The following PEBP4 variants were observed in gnomAD, a reference collection of about 807,000 sequenced individuals.
The protein encoded by PEBP4 is phosphatidylethanolamine-binding protein 4.
In PEBP4, 22 loss-of-function variants were observed where a neutral mutation model predicts 23.9. The observed-to-expected ratio is 0.92, with a 90% CI of 0.66 to 1.31. The LOEUF is 1.31. Among genes scored for constraint, PEBP4 ranks in the 40% most tolerant of loss-of-function variants. The pLI is 0.00. For missense variants in PEBP4, 324 were observed against 281.7 expected, an observed-to-expected ratio of 1.15 and a Z score of -1.07; for synonymous variants, 112 against 99.3, an observed-to-expected ratio of 1.13 and a Z score of -0.76.
chr8:22,747,862 A>C (rs1402894920), intron 4 of PEBP4, among the ~76,000 whole-genome samples: 1 of 152,110 alleles, frequency 6.6e-6, no homozygotes, highest in Non-Finnish European at 1.5e-5. Flanking sequence ...TTTCTCAGGG[A>C]ATGTGTGAGT....
intron 4 of PEBP4, among the ~76,000 whole-genome samples, chr8:22,787,905 C>T (rs565004458): frequency 1.3e-5 from 2 of 151,972 alleles, no homozygotes; most frequent in African/African-American, 4.8e-5. Context: ...ATGAAGGGGT[C>T]GAGGTGAGGG....
At chr8:22,719,819 G>C (rs191714624) in intron 6 of PEBP4, among the ~76,000 whole-genome samples, 1 of 152,162 alleles carries the variant, frequency 6.6e-6, no homozygotes, top group Non-Finnish European at 1.5e-5. Context: ...CTGGTGGAGA[G>C]GCTGGTGGAG....
At position 22,791,291 on chromosome 8, in the gene PEBP4, GTCT is replaced by G. The variant is rs556779134; in HGVS notation, c.357+26343_357+26345del. Among the ~76,000 whole-genome samples the G allele has an allele frequency of 2.9e-4, 44 of 152,296 alleles. 1 individual carries two copies. The South Asian group carries it at 9.1e-3, about 32-fold the overall frequency. On this transcript the variant is annotated intron_variant, in intron 4 of 6. Coordinates refer to ENST00000256404, the MANE Select transcript of PEBP4 (RefSeq NM_144962.3). ...TTCTCATCTTGTCTCCGGTCCTGCA[GTCT>G]TCTTTCCTCACCCGCAAATGGTAGA...
chr8:22,787,410 C>T (rs921665166), intron 4 of PEBP4, among the ~76,000 whole-genome samples: 1 of 151,932 alleles, frequency 6.6e-6, no homozygotes, highest in Non-Finnish European at 1.5e-5. Context: ...GCCTTGAGAA[C>T]GTTCCTTCCA....
At chr8:22,935,190 T>C (rs1226815859) in intron 1 of PEBP4, among the ~76,000 whole-genome samples, 1 of 152,230 alleles carries the variant, frequency 6.6e-6, no homozygotes, top group Non-Finnish European at 1.5e-5. Context: ...CCACTTTTAA[T>C]AGTGAATAGA....
At chr8:22,879,574 C>G (rs1332272868) in intron 3 of PEBP4, among the ~76,000 whole-genome samples, 1 of 152,210 alleles carries the variant, frequency 6.6e-6, no homozygotes, top group Non-Finnish European at 1.5e-5. Context: ...AGATCACAGG[C>G]TCATTCCCAT....
At chr8:22,867,361 C>T (rs1374810140) in intron 3 of PEBP4, among the ~76,000 whole-genome samples, 1 of 152,170 alleles carries the variant, frequency 6.6e-6, no homozygotes, top group African/African-American at 2.4e-5. Context: ...CTTCATAACT[C>T]AGGTTTACTC....
intron 4 of PEBP4, among the ~76,000 whole-genome samples, chr8:22,785,131 G>A (rs527788893): frequency 6.6e-6 from 1 of 152,156 alleles, no homozygotes; most frequent in Non-Finnish European, 1.5e-5. Context: ...GGGACGACAG[G>A]GCAGCTCAGC....
At chr8:22,783,981 C>T (rs1020581179) in intron 4 of PEBP4, among the ~76,000 whole-genome samples, 2 of 152,184 alleles carry the variant, frequency 1.3e-5, no homozygotes, top group African/African-American at 4.8e-5. Flanking sequence ...GAAGAGATCA[C>T]TGGCTTTGGA....
intron 4 of PEBP4, among the ~76,000 whole-genome samples, chr8:22,798,793 A>G (rs544988663): frequency 2.3e-4 from 29 of 123,884 alleles, no homozygotes; most frequent in African/African-American, 8.1e-4. Flanking sequence ...GCTGGAGTGC[A>G]GTGGCGTGAT....
intron 3 of PEBP4, among the ~76,000 whole-genome samples, chr8:22,850,845 T>C (rs577387345): frequency 1.4e-4 from 22 of 152,276 alleles, no homozygotes; most frequent in Middle Eastern, 3.4e-3. Context: ...GGGCCTCTCA[T>C]TGCAATGTGA....
chr8:22,817,645 C>A lies in PEBP4; in HGVS notation c.349G>T (p.Asp117Tyr). The A allele has an allele frequency of 6.2e-7, 1 of 1,614,028 alleles. No individual in the cohort carries two copies. The highest frequency in any genetic ancestry group is 8.5e-7 in the Non-Finnish European group (1 of 1,179,886). ...CCTCTTGGCCTGCTTACCTTGATAT[C>A]TGTTACCAGCCAATGTCTCCAGAAT... ...QRFWRHWLVT[D>Y]IKGADLKKGK... Residue 117 changes from aspartate (D) to tyrosine (Y), a missense_variant, in exon 4 of 7, where the codon GAT (aspartate) becomes TAT (tyrosine). Physicochemically the swap from Asp to Tyr is radical, Grantham distance 160 (BLOSUM62 -3). Transcript: ENST00000256404.
intron 3 of PEBP4, among the ~76,000 whole-genome samples, chr8:22,900,782 A>C (rs1808696193): frequency 6.6e-6 from 1 of 152,128 alleles, no homozygotes; most frequent in Admixed American, 6.5e-5. Context: ...TCCTGGCCCC[A>C]CCTGTGAAAA....
chr8:22,777,660 C>T lies in PEBP4; in HGVS notation c.357+39977G>A, dbSNP rs542805321. Among the ~76,000 whole-genome samples the T allele has an allele frequency of 9.9e-5, 15 of 152,240 alleles. No individual in the cohort carries two copies. In the East Asian group the frequency reaches 1.4e-3, roughly 14 times the overall value. On this transcript the variant is annotated intron_variant, in intron 4 of 6. Coordinates refer to ENST00000256404, the MANE Select transcript of PEBP4 (RefSeq NM_144962.3). ...CACGGCACTCCTGTTGCCCCAGAGCCGGGGGTGGTGGCTGGGGCACCGGGA... is the reference window on the plus strand; with the variant it reads ...CACGGCACTCCTGTTGCCCCAGAGCTGGGGGTGGTGGCTGGGGCACCGGGA...
intron 3 of PEBP4, among the ~76,000 whole-genome samples, chr8:22,874,205 G>C (rs1808071506): frequency 1.3e-5 from 2 of 151,960 alleles, no homozygotes; most frequent in Non-Finnish European, 2.9e-5. Context: ...TTAGAATAGT[G>C]GAAAGGGAAA....
At chr8:22,782,931 G>A (rs1050617751) in intron 4 of PEBP4, among the ~76,000 whole-genome samples, 1 of 152,192 alleles carries the variant, frequency 6.6e-6, no homozygotes, top group Non-Finnish European at 1.5e-5. Context: ...CAGGGAAGAC[G>A]ACTAGCTCCC....
At chr8:22,816,293 C>T (rs558173300) in intron 4 of PEBP4, among the ~76,000 whole-genome samples, 32 of 152,322 alleles carry the variant, frequency 2.1e-4, no homozygotes, top group African/African-American at 7.5e-4. Context: ...GAGGAAGCCC[C>T]TTCCAGGGCC....
At chr8:22,920,054 G>T in intron 3 of PEBP4, 130 bp downstream of exon 3, 1 of 1,112,244 alleles carries the variant, frequency 9.0e-7, no homozygotes, top group Non-Finnish European at 1.3e-6. Context: ...TATGGCAACA[G>T]CCATCTGCAG....
chr8:22,767,386 T>C (rs1343928072), intron 4 of PEBP4, among the ~76,000 whole-genome samples: 1 of 152,186 alleles, frequency 6.6e-6, no homozygotes, highest in Non-Finnish European at 1.5e-5. Flanking sequence ...CAATTTTTTG[T>C]TTGTAAATCA....
Sources: gnomAD v4.1 joint callset for allele counts (sites outside exome capture counted in the v4.1 genomes callset) on GRCh38, gnomAD v4.1.1 for gene constraint, MANE v1.5 for transcripts, NCBI Gene and HGNC (gene_info 2026-07-23, HGNC 2026-07-21) for gene names.